The following YME1L1 variants were observed in gnomAD, a reference collection of about 807,000 sequenced individuals.
The protein encoded by YME1L1 is ATP-dependent zinc metalloprotease YME1L1.
A neutral mutation model predicts 90.4 loss-of-function variants in YME1L1; 39 were observed. The ratio of observed to expected loss-of-function variants is 0.43; its 90% confidence interval spans 0.33 to 0.56. YME1L1 has a LOEUF of 0.56. Among genes scored for constraint, YME1L1 ranks in the 20% least tolerant of loss-of-function variants. The probability of loss-of-function intolerance (pLI) is 0.03; values close to 1 mark genes in which losing one functional copy is unlikely to be tolerated. For missense variants in YME1L1, 617 were observed against 868.4 expected, an observed-to-expected ratio of 0.71 and a Z score of 3.64; for synonymous variants, 284 against 287.3, an observed-to-expected ratio of 0.99 and a Z score of 0.12.
chr10:27,132,497 C>T (rs1411716852), intron 7 of YME1L1, among the ~76,000 whole-genome samples: 1 of 151,922 alleles, frequency 6.6e-6, no homozygotes, highest in Non-Finnish European at 1.5e-5. Context: ...TTCTTTTATT[C>T]CTTTACTTTC....
At position 27,122,843 on chromosome 10, in the gene YME1L1, A is replaced by T; in HGVS notation, c.1233T>A (p.Asp411Glu). The change falls in exon 11 of 19, where the codon GAT becomes GAA. Residue 411 changes from aspartate (D) to glutamate (E), a missense_variant and splice_region_variant. By Grantham distance (45) the Asp-to-Glu change is conservative (BLOSUM62 2). Around this residue, in one of 4 missense-constraint regions of YME1L1, gnomAD observed 93 missense variants for 184.8 expected, o/e 0.50. Coordinates refer to ENST00000376016, the MANE Select transcript of YME1L1 (RefSeq NM_014263.4). ...QTINQLLAEM[D>E]GFKPNEGVII... The stretch of plus-strand genomic sequence containing the variant: ...AAGAAAAAAGAAGACTCAATTACCC[A>T]TCCATTTCAGCAAGAAGTTGATTTA... The T allele has an allele frequency of 6.2e-7, 1 of 1,613,060 alleles. No homozygotes were observed. Among genetic ancestry groups the T allele is most frequent in the Non-Finnish European group, 8.5e-7 (1 of 1,179,602 alleles).
At chr10:27,114,711 G>T in intron 17 of YME1L1, 104 bp from the exon 18 acceptor site, 1 of 749,748 alleles carries the variant, frequency 1.3e-6, no homozygotes, top group Non-Finnish European at 2.1e-6. Context: ...ATATATGGGG[G>T]ACAAGAAAGA....
chr10:27,128,658 A>G (rs541561838), intron 8 of YME1L1, among the ~76,000 whole-genome samples: 18 of 152,078 alleles, frequency 1.2e-4, no homozygotes, highest in Non-Finnish European at 2.6e-4. Flanking sequence ...TAATCCCAGC[A>G]CTTTGGGAGG....
chr10:27,126,145 T>C (rs1419138565), intron 9 of YME1L1, among the ~76,000 whole-genome samples: 7 of 152,130 alleles, frequency 4.6e-5, no homozygotes, highest in African/African-American at 1.7e-4. Flanking sequence ...AGTGAATGAT[T>C]TTTAAAATGG....
intron 9 of YME1L1, among the ~76,000 whole-genome samples, chr10:27,125,729 C>A (rs2056912218): frequency 6.6e-6 from 1 of 151,380 alleles, no homozygotes. Context: ...CAACCTCTGC[C>A]TCCTAGGTTC....
chr10:27,141,238 A>G (rs1488019592), intron 4 of YME1L1, among the ~76,000 whole-genome samples: 2 of 152,150 alleles, frequency 1.3e-5, no homozygotes, highest in African/African-American at 2.4e-5. Context: ...TCTACTAAAA[A>G]TACAAAAATT....
intron 1 of YME1L1, among the ~76,000 whole-genome samples, chr10:27,151,902 T>TTA (rs2057223794): frequency 6.9e-6 from 1 of 145,476 alleles, no homozygotes; most frequent in South Asian, 2.3e-4. Context: ...AAAATTAAAA[T>TTA]AAAAAAAAGT....
chr10:27,127,730 A>T (rs1164100224), intron 8 of YME1L1, among the ~76,000 whole-genome samples: 1 of 152,212 alleles, frequency 6.6e-6, no homozygotes, highest in Non-Finnish European at 1.5e-5. Context: ...AGAAGGAGGC[A>T]TCAAGGAGGT....
In YME1L1 at chr10:27,110,756, T is replaced by C. The variant is rs1037053445; in HGVS notation, c.*1221A>G. 2 of 152,234 alleles carry C rather than the reference T, an allele frequency of 1.3e-5. No homozygotes were observed. Among genetic ancestry groups the C allele is most frequent in the African/African-American group, 2.4e-5 (1 of 41,468 alleles). The allele number at this position is 152,234 out of a possible 1,614,324, so 9.4% of individuals were successfully genotyped here. A position where few individuals can be genotyped will look rare whatever the true frequency, so the allele number is the denominator to read the frequency against. On this transcript the variant is annotated 3_prime_UTR_variant, in exon 19 of 19. Coordinates refer to ENST00000376016, the MANE Select transcript of YME1L1 (RefSeq NM_014263.4). ...ACATTATTCAGAATGAGGTTATGTA[T>C]TTATTTAACAAAATACTGCTTCTCT...
intron 4 of YME1L1, among the ~76,000 whole-genome samples, chr10:27,140,398 G>A (rs2057074686): frequency 1.3e-5 from 2 of 152,206 alleles, no homozygotes; most frequent in Admixed American, 1.3e-4. Flanking sequence ...ATTACTGAGT[G>A]TCTGTAATCC....
intron 2 of YME1L1, chr10:27,147,402 A>C: frequency 1.3e-6 from 2 of 1,597,948 alleles, no homozygotes; most frequent in Non-Finnish European, 8.6e-7. Flanking sequence ...TGATGGAACA[A>C]GTGAAAGATG....
At chr10:27,123,462 A>G (rs2056886635) in intron 10 of YME1L1, 85 bp downstream of exon 10, 1 of 1,464,616 alleles carries the variant, frequency 6.8e-7, no homozygotes, top group African/African-American at 1.5e-5. Flanking sequence ...AAAAGGAAGA[A>G]AAAAAGTAAT....
chr10:27,131,015 T>G (rs558073902), intron 8 of YME1L1, among the ~76,000 whole-genome samples: 4 of 152,364 alleles, frequency 2.6e-5, no homozygotes, highest in Admixed American at 2.6e-4. Context: ...TCAGACACCC[T>G]ATTACTTGAG....
intron 5 of YME1L1, among the ~76,000 whole-genome samples, chr10:27,135,762 A>G (rs1347086619): frequency 6.6e-6 from 1 of 152,094 alleles, no homozygotes; most frequent in Non-Finnish European, 1.5e-5. Flanking sequence ...GCAGAGTAAT[A>G]TAACTAGATC....
Position 27,110,726 on chromosome 10 carries a change from G to C in YME1L1, c.*1251C>G, listed in dbSNP as rs2056751225. On this transcript the variant is annotated 3_prime_UTR_variant, in exon 19 of 19. Transcript: ENST00000376016. Reference sequence around the variant, plus strand: ...AACCAAGCACAGTTATAGTCAAAATGAGGGACATTATTCAGAATGAGGTTA... The same window carrying C: ...AACCAAGCACAGTTATAGTCAAAATCAGGGACATTATTCAGAATGAGGTTA... 3 of 152,102 alleles carry C rather than the reference G, an allele frequency of 2.0e-5. No homozygotes were observed. Among genetic ancestry groups the C allele is most frequent in the Non-Finnish European group, 4.4e-5 (3 of 68,018 alleles). 9.4% of individuals were successfully genotyped at this position (152,102 alleles called of 1,614,324 possible).
intron 8 of YME1L1, chr10:27,129,261 C>T (rs1291447919): frequency 6.6e-6 from 1 of 152,198 alleles, no homozygotes; most frequent in East Asian, 1.9e-4. Context: ...GAAGGGCCCT[C>T]CACGCTGATG....
intron 9 of YME1L1, among the ~76,000 whole-genome samples, chr10:27,124,935 T>C (rs2056902022): frequency 6.6e-6 from 1 of 152,162 alleles, no homozygotes; most frequent in African/African-American, 2.4e-5. Context: ...AGGAAGTACA[T>C]GATGTTGATA....
At chr10:27,146,076 T>C (rs2057141018) in intron 2 of YME1L1, 1 of 152,806 alleles carries the variant, frequency 6.5e-6, no homozygotes, top group African/African-American at 2.4e-5. Context: ...CAGGGGATTT[T>C]CCCCAACAGT....
At chr10:27,112,711 C>A (rs2056770610) in intron 18 of YME1L1, among the ~76,000 whole-genome samples, 1 of 152,110 alleles carries the variant, frequency 6.6e-6, no homozygotes, top group African/African-American at 2.4e-5. Flanking sequence ...CACTCTCTCT[C>A]TCTCTATTTT....
Sources: allele counts gnomAD v4.1 joint callset (sites outside exome capture counted in the v4.1 genomes callset), GRCh38; gene constraint gnomAD v4.1.1; regional missense constraint gnomAD v4.1.1; transcripts MANE v1.5; gene names NCBI Gene and HGNC (gene_info 2026-07-23, HGNC 2026-07-21).